Variants in SLC25A20 observed in about 807,000 individuals in gnomAD.
SLC25A20 encodes solute carrier family 25 member 20, also known as mitochondrial carnitine/acylcarnitine carrier protein.
SLC25A20 carries 29 observed loss-of-function variants against 39.7 expected under a neutral mutation model. The observed-to-expected ratio is 0.73, with a 90% confidence interval of 0.54 to 1.00. The LOEUF is 1.00. Among genes scored for constraint, SLC25A20 ranks in the 50% least tolerant of loss-of-function variants. The pLI is 0.00. For missense variants in SLC25A20, 333 were observed against 379.9 expected (o/e 0.88, Z 1.03); for synonymous variants, 103 against 142.2 (o/e 0.72, Z 1.96).
intron 1 of SLC25A20, chr3:48,895,727 C>T (rs1385325434): frequency 2.2e-6 from 1 of 456,088 alleles, no homozygotes; most frequent in East Asian, 7.0e-5. Context: ...TTATGGGACA[C>T]AATAGAAATG....
Position 48,862,565 on chromosome 3 carries a change from C to T in SLC25A20, c.512G>A (p.Gly171Glu), listed in dbSNP as rs1235922525. Reference sequence around the variant, plus strand: ...ACCTCGCATAAGGGTAAGCACAGTCCCTTTGTAGATGCCTCGGATCCCAAA... The same window carrying T: ...ACCTCGCATAAGGGTAAGCACAGTCTCTTTGTAGATGCCTCGGATCCCAAA... ...QEFGIRGIYK[G>E]TVLTLMRDVP... The change falls in exon 5 of 9, where the codon GGG becomes GAG. Residue 171 changes from glycine (G) to glutamate (E), a missense_variant. Physicochemically the swap from Gly to Glu is moderately conservative, Grantham distance 98 (BLOSUM62 -2). Coordinates refer to ENST00000319017, the MANE Select transcript of SLC25A20 (RefSeq NM_000387.6). 6.2e-7 allele frequency: 1 copy of T among 1,613,468 alleles called. No homozygotes were observed. The highest frequency in any genetic ancestry group is 1.3e-5 in the African/African-American group (1 of 74,994).
intron 3 of SLC25A20, among the ~76,000 whole-genome samples, chr3:48,881,558 T>G (rs2083795817): frequency 6.6e-6 from 1 of 152,132 alleles, no homozygotes; most frequent in African/African-American, 2.4e-5. Context: ...TAACACTCCT[T>G]TCCATATCAC....
chr3:48,870,677 C>A (rs982787274), intron 4 of SLC25A20, among the ~76,000 whole-genome samples: 3 of 150,850 alleles, frequency 2.0e-5, no homozygotes, highest in Non-Finnish European at 2.9e-5. Context: ...CCATGCCCAG[C>A]TAATTTTTTT....
intron 1 of SLC25A20, among the ~76,000 whole-genome samples, chr3:48,896,622 T>C (rs972999831): frequency 4.6e-5 from 7 of 152,018 alleles, no homozygotes; most frequent in African/African-American, 1.7e-4. Flanking sequence ...GCGATTCTCC[T>C]GCCTCAGCCT....
chr3:48,858,296 T>G (rs1459336298), intron 8 of SLC25A20, among the ~76,000 whole-genome samples: 1 of 151,858 alleles, frequency 6.6e-6, no homozygotes. Context: ...AATGGCCAGG[T>G]CAGGAAATCA....
chr3:48,866,330 G>C (rs1160986037), intron 4 of SLC25A20, among the ~76,000 whole-genome samples: 1 of 151,904 alleles, frequency 6.6e-6, no homozygotes, highest in South Asian at 2.1e-4. Flanking sequence ...AAGGTGGGTG[G>C]ATCACCTTAG....
chr3:48,874,283 C>T (rs1357305063), intron 4 of SLC25A20, among the ~76,000 whole-genome samples: 1 of 151,994 alleles, frequency 6.6e-6, no homozygotes, highest in Non-Finnish European at 1.5e-5. Flanking sequence ...CAGAGCAAGA[C>T]TCCATCTCTA....
At chr3:48,874,861 A>G (rs773746542) in intron 4 of SLC25A20, among the ~76,000 whole-genome samples, 5 of 151,766 alleles carry the variant, frequency 3.3e-5, no homozygotes, top group Non-Finnish European at 7.4e-5. Flanking sequence ...AGGCTGGCCA[A>G]CATGGTGAGA....
At chr3:48,890,855 C>A (rs2083868302) in intron 2 of SLC25A20, among the ~76,000 whole-genome samples, 1 of 151,570 alleles carries the variant, frequency 6.6e-6, no homozygotes, top group South Asian at 2.1e-4. Context: ...GGGGTTTCAC[C>A]GTGTTAGCCA....
intron 1 of SLC25A20, among the ~76,000 whole-genome samples, chr3:48,896,140 CAAA>C (rs1220224923): frequency 1.4e-4 from 10 of 69,712 alleles, no homozygotes; most frequent in Non-Finnish European, 5.9e-5. Context: ...AGTCTTGTCT[CAAA>C]AAAAAAAAAA....
chr3:48,879,297 C>T (rs1169002776), intron 4 of SLC25A20, 61 bp downstream of exon 4: 1 of 1,239,210 alleles, frequency 8.1e-7, no homozygotes, highest in African/African-American at 1.5e-5. Flanking sequence ...AGGACATAAA[C>T]ATGCACACGA....
At chr3:48,881,380 T>C (rs2083794394) in intron 3 of SLC25A20, among the ~76,000 whole-genome samples, 1 of 152,102 alleles carries the variant, frequency 6.6e-6, no homozygotes, top group African/African-American at 2.4e-5. Flanking sequence ...AAACCTCATC[T>C]CTTGGGACTG....
chr3:48,877,882 G>A (rs1306294536), intron 4 of SLC25A20, among the ~76,000 whole-genome samples: 1 of 152,166 alleles, frequency 6.6e-6, no homozygotes, highest in Non-Finnish European at 1.5e-5. Context: ...GGTAGGCCCA[G>A]GCTGACGCGT....
intron 4 of SLC25A20, 56 bp from the exon 5 acceptor site, chr3:48,862,715 G>C (rs2083636980): frequency 1.7e-6 from 2 of 1,162,166 alleles, no homozygotes; most frequent in South Asian, 1.2e-5. Flanking sequence ...AGACCCAGCA[G>C]GTTACAGGAG....
chr3:48,878,262 C>CAAAA (rs1257374907), intron 4 of SLC25A20, among the ~76,000 whole-genome samples: 37 of 106,704 alleles, frequency 3.5e-4, no homozygotes, highest in African/African-American at 1.4e-3. Flanking sequence ...TCCATCTCCA[C>CAAAA]AAAAAAAAAA....
At chr3:48,870,351 G>A (rs2083704376) in intron 4 of SLC25A20, among the ~76,000 whole-genome samples, 1 of 152,020 alleles carries the variant, frequency 6.6e-6, no homozygotes, top group Admixed American at 6.6e-5. Context: ...CAGTAAGGAA[G>A]TTCAGAAAGG....
At chr3:48,893,241 TCTAA>T (rs1459176391) in intron 1 of SLC25A20, among the ~76,000 whole-genome samples, 4 of 152,166 alleles carry the variant, frequency 2.6e-5, no homozygotes, top group Middle Eastern at 3.4e-3. Context: ...TTGCTCTATA[TCTAA>T]CTTTTTTTTT....
At position 48,873,661 on chromosome 3, in the gene SLC25A20, C is replaced by A. The variant is rs1309413150; in HGVS notation, c.417+5697G>T. ...CTTGTAAAAAAAAAAACAAGAAAAT[C>A]TTCAGGATCTAGGTTTAAGTAAAGA... On this transcript the variant is annotated intron_variant, in intron 4 of 8. Transcript: ENST00000319017. Among the ~76,000 whole-genome samples the A allele has an allele frequency of 2.0e-4, 30 of 149,298 alleles. No homozygotes were observed. In the Admixed American group the frequency reaches 2.0e-3, roughly 10 times the overall value.
chr3:48,880,233 T>C (rs1338868134), intron 3 of SLC25A20, among the ~76,000 whole-genome samples: 2 of 152,114 alleles, frequency 1.3e-5, no homozygotes, highest in African/African-American at 4.8e-5. Flanking sequence ...CCCACAGCTG[T>C]CTGTGCCACC....
Sources: allele counts gnomAD v4.1 joint callset (sites outside exome capture counted in the v4.1 genomes callset), GRCh38; gene constraint gnomAD v4.1.1; transcripts MANE v1.5; gene names NCBI Gene and HGNC (gene_info 2026-07-23, HGNC 2026-07-21).